Variants in ERBIN observed in about 807,000 individuals in gnomAD.
The protein encoded by ERBIN is densin-180-like protein.
ERBIN carries 60 observed loss-of-function variants against 158.4 expected under a neutral mutation model. The ratio of observed to expected loss-of-function variants is 0.38; its 90% CI spans 0.31 to 0.47. ERBIN has a LOEUF of 0.47. Among genes scored for constraint, ERBIN ranks in the 20% least tolerant of loss-of-function variants. ERBIN has a pLI of 0.99. For synonymous variants in ERBIN, 594 were observed against 557.2 expected (o/e 1.07, Z -0.93); for missense variants, 1,610 against 1,648.0 (o/e 0.98, Z 0.40).
chr5:66,025,913 G>A lies in ERBIN; in HGVS notation c.956G>A (p.Gly319Glu). ...NEVEALPSSI[G>E]QLTNLRTFAA... Reference sequence around the variant, plus strand: ...GTTGAAGCTTTGCCTTCATCTATTGGGCAGCTTACTAACTTAAGAACTTTT... The same window carrying A: ...GTTGAAGCTTTGCCTTCATCTATTGAGCAGCTTACTAACTTAAGAACTTTT... Residue 319 changes from glycine (G) to glutamate (E), a missense_variant, in exon 12 of 26, where the codon GGG becomes GAG. This residue lies in a region of ERBIN where 596 missense variants were observed against 711.9 expected (regional missense o/e 0.84). Transcript: ENST00000284037. 1 of 1,592,176 alleles carries A rather than the reference G, an allele frequency of 6.3e-7. No homozygotes were observed. Among genetic ancestry groups the A allele is most frequent in the Non-Finnish European group, 8.6e-7 (1 of 1,169,044 alleles).
At chr5:66,076,612 G>T in intron 24 of ERBIN, 1 of 599,286 alleles carries the variant, frequency 1.7e-6, no homozygotes. Flanking sequence ...GAATGTTTAT[G>T]ATATAATGAA....
chr5:65,981,255 C>T (rs756156552), intron 1 of ERBIN, among the ~76,000 whole-genome samples: 1 of 152,042 alleles, frequency 6.6e-6, no homozygotes, highest in Non-Finnish European at 1.5e-5. Context: ...AAGACAGCAT[C>T]AAAATTATTA....
chr5:65,994,126 G>T (rs556253062), intron 3 of ERBIN, among the ~76,000 whole-genome samples: 25 of 152,038 alleles, frequency 1.6e-4, no homozygotes, highest in Non-Finnish European at 3.5e-4. Context: ...AAAGGTTGTT[G>T]GTCTCATGTT....
chr5:65,991,221 T>G (rs1329934298), intron 2 of ERBIN, among the ~76,000 whole-genome samples: 1 of 152,254 alleles, frequency 6.6e-6, no homozygotes, highest in Non-Finnish European at 1.5e-5. Context: ...AGATCCTGTC[T>G]GTATTTTAAC....
chr5:66,067,518 G>A (rs903140823), intron 21 of ERBIN, among the ~76,000 whole-genome samples: 2 of 152,140 alleles, frequency 1.3e-5, no homozygotes, highest in Admixed American at 6.5e-5. Flanking sequence ...GTGGAACAGC[G>A]GGAATCAGGC....
chr5:66,038,847 G>A (rs1477065078), intron 15 of ERBIN, among the ~76,000 whole-genome samples: 1 of 151,998 alleles, frequency 6.6e-6, no homozygotes, highest in Non-Finnish European at 1.5e-5. Context: ...CTACACACTG[G>A]ATCAGGATAA....
At chr5:65,939,180 T>G (rs1367012742) in intron 1 of ERBIN, among the ~76,000 whole-genome samples, 1 of 152,164 alleles carries the variant, frequency 6.6e-6, no homozygotes, top group Non-Finnish European at 1.5e-5. Context: ...GGCTCACACC[T>G]GTAATCCCAG....
At chr5:65,931,414 CT>C (rs1743358920) in intron 1 of ERBIN, among the ~76,000 whole-genome samples, 1 of 152,118 alleles carries the variant, frequency 6.6e-6, no homozygotes, top group Admixed American at 6.5e-5. Flanking sequence ...GGCTAAGTGC[CT>C]TGTACATTTC....
intron 20 of ERBIN, 109 bp downstream of exon 20, chr5:66,051,075 C>T: frequency 1.6e-6 from 1 of 643,208 alleles, no homozygotes; most frequent in Non-Finnish European, 2.5e-6. Context: ...AGAAGTGGTT[C>T]CAGTAATATG....
rs143345198 is a variant in ERBIN, at chr5:65,930,621, T to C, written c.-58+3815T>C. 1.8e-4 allele frequency among the ~76,000 whole-genome samples: 27 copies of C among 152,366 alleles called. No homozygotes were observed. In the East Asian group the frequency reaches 5.2e-3, roughly 29 times the overall value. ...CCGCTCCCGGCCATTGTTTGTTTTA[T>C]ACTTTGTTTTCTCAGTTTTCCTTTT... On this transcript the variant is annotated intron_variant, in intron 1 of 25. Coordinates refer to ENST00000284037, the MANE Select transcript of ERBIN (RefSeq NM_001253697.2).
At chr5:65,947,540 A>C (rs1180402049) in intron 1 of ERBIN, among the ~76,000 whole-genome samples, 4 of 152,210 alleles carry the variant, frequency 2.6e-5, no homozygotes, top group Non-Finnish European at 5.9e-5. Context: ...AGAAGTAGAA[A>C]ATCAGATCCA....
intron 1 of ERBIN, among the ~76,000 whole-genome samples, chr5:65,964,812 C>T (rs1045095020): frequency 2.0e-5 from 3 of 149,212 alleles, no homozygotes; most frequent in South Asian, 2.1e-4. Flanking sequence ...GTACAATCTC[C>T]GCTCACTACA....
chr5:66,025,414 C>A, intron 10 of ERBIN, 66 bp from the exon 11 acceptor site: 1 of 1,189,558 alleles, frequency 8.4e-7, no homozygotes, highest in Non-Finnish European at 1.3e-6. Flanking sequence ...ATGTCTCACA[C>A]TGACTGTTGG....
chr5:65,981,120 A>G (rs1322316360), intron 1 of ERBIN, among the ~76,000 whole-genome samples: 1 of 152,244 alleles, frequency 6.6e-6, no homozygotes, highest in East Asian at 1.9e-4. Context: ...CATAGAAATC[A>G]GTAACAAAAT....
chr5:65,970,300 T>A (rs1749103686), intron 1 of ERBIN, among the ~76,000 whole-genome samples: 1 of 152,198 alleles, frequency 6.6e-6, no homozygotes, highest in African/African-American at 2.4e-5. Context: ...TTAGACTATG[T>A]CCCTCCTTTG....
intron 1 of ERBIN, among the ~76,000 whole-genome samples, chr5:65,955,533 G>A (rs1747007708): frequency 6.6e-6 from 1 of 152,204 alleles, no homozygotes; most frequent in South Asian, 2.1e-4. Flanking sequence ...GGGAGGCTGA[G>A]GCAGGAGAAT....
At chr5:65,932,108 G>A (rs114943471) in intron 1 of ERBIN, among the ~76,000 whole-genome samples, 6,441 of 151,920 alleles carry the variant, frequency 0.042, 465 homozygotes, top group African/African-American at 0.15. Context: ...GTGAGCCACC[G>A]CGCAAAGTGC....
chr5:65,988,801 A>G (rs1362405130), intron 2 of ERBIN, 119 bp downstream of exon 2: 3 of 151,938 alleles, frequency 2.0e-5, no homozygotes, highest in African/African-American at 4.8e-5. Context: ...CCTGGGTAAC[A>G]TGGCGAAACC....
At chr5:65,957,418 C>G (rs1227565158) in intron 1 of ERBIN, among the ~76,000 whole-genome samples, 3 of 152,050 alleles carry the variant, frequency 2.0e-5, no homozygotes, top group Non-Finnish European at 2.9e-5. Flanking sequence ...GTGGTGATGA[C>G]TCTTAACGAG....
Sources: gnomAD v4.1 joint callset for allele counts (sites outside exome capture counted in the v4.1 genomes callset) on GRCh38, gnomAD v4.1.1 for gene constraint, gnomAD v4.1.1 regional missense constraint, MANE v1.5 for transcripts, NCBI Gene and HGNC (gene_info 2026-07-23, HGNC 2026-07-21) for gene names.